Variants in PDE10A observed in about 807,000 individuals in gnomAD.
The protein encoded by PDE10A is phosphodiesterase 10A, also known as cAMP and cAMP-inhibited cGMP 3',5'-cyclic phosphodiesterase 10A.
PDE10A carries 39 observed loss-of-function variants against 97.7 expected under a neutral mutation model. The observed-to-expected ratio is 0.40, with a 90% CI of 0.31 to 0.52. PDE10A has a LOEUF of 0.52. PDE10A is among the 20% of genes least tolerant of loss of function. PDE10A has a pLI of 0.56. For missense variants in PDE10A, 731 were observed against 1,047.8 expected (o/e 0.70, Z 4.17); for synonymous variants, 371 against 376.8 (o/e 0.98, Z 0.18).
chr6:165,453,038 C>T (rs1460396027), intron 3 of PDE10A, among the ~76,000 whole-genome samples: 3 of 152,108 alleles, frequency 2.0e-5, no homozygotes, highest in Non-Finnish European at 2.9e-5. Flanking sequence ...ACAAGATACT[C>T]GCAACTGGAG....
intron 2 of PDE10A, among the ~76,000 whole-genome samples, chr6:165,506,890 T>C (rs1781226924): frequency 6.6e-6 from 1 of 152,166 alleles, no homozygotes. Flanking sequence ...TTGCATTGCA[T>C]TCTCTGATGT....
intron 1 of PDE10A, among the ~76,000 whole-genome samples, chr6:165,898,027 A>G (rs1583252908): frequency 6.6e-6 from 1 of 150,804 alleles, no homozygotes; most frequent in East Asian, 2.0e-4. Context: ...CCCTTGTACA[A>G]GCTGCCTCCC....
chr6:165,815,218 A>G (rs1286507452), intron 1 of PDE10A, among the ~76,000 whole-genome samples: 1 of 152,188 alleles, frequency 6.6e-6, no homozygotes, highest in East Asian at 1.9e-4. Context: ...TGAATCGATC[A>G]GTTGACAATA....
intron 1 of PDE10A, among the ~76,000 whole-genome samples, chr6:165,912,982 C>G (rs1456419136): frequency 2.0e-5 from 3 of 152,100 alleles, no homozygotes; most frequent in Non-Finnish European, 4.4e-5. Context: ...TTTGAAAGTT[C>G]AAAATGCTCT....
At chr6:165,873,765 G>A (rs1171204928) in intron 1 of PDE10A, among the ~76,000 whole-genome samples, 1 of 152,094 alleles carries the variant, frequency 6.6e-6, no homozygotes, top group East Asian at 1.9e-4. Context: ...AATAAGTTAA[G>A]CTATTCCTTT....
chr6:165,806,309 A>T (rs1464162514), intron 1 of PDE10A, among the ~76,000 whole-genome samples: 1 of 152,070 alleles, frequency 6.6e-6, no homozygotes, highest in East Asian at 1.9e-4. Flanking sequence ...CTGTCTATTC[A>T]TGTGGCACGT....
intron 2 of PDE10A, among the ~76,000 whole-genome samples, chr6:165,519,706 C>T (rs1782021822): frequency 6.6e-6 from 1 of 152,154 alleles, no homozygotes; most frequent in Admixed American, 6.6e-5. Context: ...TTCTTTCAAG[C>T]TATGAAAGTG....
chr6:165,912,760 G>C (rs569607018), intron 1 of PDE10A, among the ~76,000 whole-genome samples: 1 of 152,158 alleles, frequency 6.6e-6, no homozygotes, highest in East Asian at 1.9e-4. Flanking sequence ...AAAAAGTAAG[G>C]CTATGTATTA....
chr6:165,343,990 G>C (rs1205623957), intron 18 of PDE10A, among the ~76,000 whole-genome samples: 1 of 152,196 alleles, frequency 6.6e-6, no homozygotes, highest in African/African-American at 2.4e-5. Context: ...AGAGGAGGAG[G>C]TAGCTGTGCA....
Position 165,902,504 on chromosome 6 carries a change from G to A in PDE10A, c.-615+85025C>T, listed in dbSNP as rs186000093. 2.9e-4 allele frequency among the ~76,000 whole-genome samples: 44 copies of A among 152,264 alleles called. No homozygotes were observed. In the East Asian group the frequency reaches 7.3e-3, roughly 25 times the overall value. On this transcript the variant is annotated intron_variant, in intron 1 of 19. Transcript: ENST00000366882. ...ATACTTCCTCTCTTTTCTCTTGCTT[G>A]ATATGGTGTGAATTCCCAATACTCC...
chr6:165,810,443 C>T (rs186200482), intron 1 of PDE10A, among the ~76,000 whole-genome samples: 6 of 152,298 alleles, frequency 3.9e-5, no homozygotes, highest in Admixed American at 2.6e-4. Context: ...GCCTGGCATT[C>T]ACCCTGCTTA....
intron 16 of PDE10A, 60 bp downstream of exon 16, chr6:165,392,586 G>A: frequency 6.7e-7 from 1 of 1,501,318 alleles, no homozygotes; most frequent in East Asian, 2.3e-5. Flanking sequence ...ATGTGCTCCT[G>A]ACACACAGTA....
At chr6:165,783,140 C>T (rs929153766) in intron 1 of PDE10A, among the ~76,000 whole-genome samples, 2 of 152,164 alleles carry the variant, frequency 1.3e-5, no homozygotes, top group African/African-American at 2.4e-5. Flanking sequence ...ATATTTTACT[C>T]AGTTTGTAAG....
intron 1 of PDE10A, among the ~76,000 whole-genome samples, chr6:165,897,085 G>T (rs1174559449): frequency 6.6e-6 from 1 of 152,174 alleles, no homozygotes; most frequent in Admixed American, 6.5e-5. Flanking sequence ...AAAAATATGG[G>T]CAATTCTTGT....
chr6:165,594,766 C>G (rs557746160), intron 1 of PDE10A, among the ~76,000 whole-genome samples: 2 of 152,310 alleles, frequency 1.3e-5, no homozygotes, highest in South Asian at 4.1e-4. Flanking sequence ...GTGGAGACAT[C>G]TGGCAGACTC....
chr6:165,636,476 C>A (rs1393730676), intron 1 of PDE10A, among the ~76,000 whole-genome samples: 1 of 152,144 alleles, frequency 6.6e-6, no homozygotes, highest in South Asian at 2.1e-4. Flanking sequence ...AATTTTATTA[C>A]AATTTACAGC....
intron 1 of PDE10A, among the ~76,000 whole-genome samples, chr6:165,636,314 CACAA>C (rs763217090): frequency 3.9e-5 from 6 of 152,160 alleles, no homozygotes; most frequent in Non-Finnish European, 5.9e-5. Context: ...CACACACACA[CACAA>C]ACACTCTTCA....
intron 1 of PDE10A, among the ~76,000 whole-genome samples, chr6:165,899,718 G>A (rs979778024): frequency 6.6e-6 from 1 of 152,226 alleles, no homozygotes; most frequent in Admixed American, 6.5e-5. Context: ...GTGTGCGCTG[G>A]CCGGGCTGTA....
intron 1 of PDE10A, among the ~76,000 whole-genome samples, chr6:165,906,450 T>G (rs1782289512): frequency 1.3e-5 from 2 of 152,134 alleles, no homozygotes; most frequent in African/African-American, 2.4e-5. Context: ...TCTTTCAAGG[T>G]CCTGTAGAGC....
Sources: allele counts gnomAD v4.1 joint callset (sites outside exome capture counted in the v4.1 genomes callset), GRCh38; gene constraint gnomAD v4.1.1; transcripts MANE v1.5; gene names NCBI Gene and HGNC (gene_info 2026-07-23, HGNC 2026-07-21).